The following RIMS2 variants were observed in gnomAD, a reference collection of about 807,000 sequenced individuals.
RIMS2 encodes the protein regulating synaptic membrane exocytosis protein 2.
In RIMS2, 59 loss-of-function variants were observed where a neutral mutation model predicts 174.4. That is an observed-to-expected ratio of 0.34 (90% CI 0.27 to 0.42). The LOEUF (loss-of-function observed/expected upper bound fraction) is 0.42, where lower values mean the gene tolerates loss of function less well. Among genes scored for constraint, RIMS2 ranks in the 10% least tolerant of loss-of-function variants. The pLI is 1.00. For missense variants in RIMS2, 1,620 were observed against 1,666.3 expected, an observed-to-expected ratio of 0.97 and a Z score of 0.48; for synonymous variants, 606 against 572.5, an observed-to-expected ratio of 1.06 and a Z score of -0.84.
chr8:103,905,450 A>G (rs557508175), intron 4 of RIMS2, among the ~76,000 whole-genome samples: 3 of 152,184 alleles, frequency 2.0e-5, no homozygotes, highest in Non-Finnish European at 2.9e-5. Context: ...GGGGTTGGCT[A>G]TCATTTGAAT....
intron 1 of RIMS2, among the ~76,000 whole-genome samples, chr8:103,677,764 G>C (rs1461263756): frequency 6.6e-6 from 1 of 152,160 alleles, no homozygotes; most frequent in African/African-American, 2.4e-5. Flanking sequence ...AACCAGAACA[G>C]AGTCAGAGAG....
At chr8:103,878,752 T>C (rs950562033) in intron 3 of RIMS2, among the ~76,000 whole-genome samples, 4 of 151,566 alleles carry the variant, frequency 2.6e-5, no homozygotes, top group African/African-American at 9.7e-5. Context: ...TCACTACTCA[T>C]TATTGATCCC....
chr8:103,620,056 AC>A, intron 1 of RIMS2, among the ~76,000 whole-genome samples: 1 of 152,212 alleles, frequency 6.6e-6, no homozygotes, highest in South Asian at 2.1e-4. Flanking sequence ...AGCTGTCACC[AC>A]CCTTGCCTAT....
intron 19 of RIMS2, among the ~76,000 whole-genome samples, chr8:104,239,081 T>A (rs947475935): frequency 2.1e-4 from 32 of 152,180 alleles, no homozygotes; most frequent in African/African-American, 7.2e-4. Context: ...ATCCAAGATT[T>A]GAAAGGAGGT....
At chr8:104,082,039 A>C (rs1191212225) in intron 19 of RIMS2, among the ~76,000 whole-genome samples, 1 of 151,968 alleles carries the variant, frequency 6.6e-6, no homozygotes, top group African/African-American at 2.4e-5. Context: ...GCAAGTCAGA[A>C]CTTCATACCT....
chr8:104,014,326 A>G (rs2095844947), intron 18 of RIMS2, among the ~76,000 whole-genome samples, 180 bp from the exon 21 acceptor site: 1 of 152,198 alleles, frequency 6.6e-6, no homozygotes, highest in Non-Finnish European at 1.5e-5. Context: ...ACCAAAAATA[A>G]ACATCTTTTG....
At chr8:103,917,513 A>G (rs2076835406) in intron 8 of RIMS2, among the ~76,000 whole-genome samples, 1 of 152,168 alleles carries the variant, frequency 6.6e-6, no homozygotes, top group African/African-American at 2.4e-5. Context: ...TCTTGGTATT[A>G]AAGGATCTTC....
At chr8:104,025,355 T>G (rs1447498697) in intron 19 of RIMS2, among the ~76,000 whole-genome samples, 2 of 152,044 alleles carry the variant, frequency 1.3e-5, no homozygotes, top group Non-Finnish European at 2.9e-5. Flanking sequence ...AGGCATAGTG[T>G]TGCACACCTC....
chr8:104,017,418 ATATT>A (rs2095947246), intron 19 of RIMS2, among the ~76,000 whole-genome samples: 1 of 152,164 alleles, frequency 6.6e-6, no homozygotes, highest in East Asian at 1.9e-4. Context: ...AGTCTGTTAT[ATATT>A]TAGCCATTTA....
chr8:104,162,890 G>A (rs1288737631), intron 19 of RIMS2, among the ~76,000 whole-genome samples: 2 of 152,070 alleles, frequency 1.3e-5, no homozygotes, highest in African/African-American at 2.4e-5. Context: ...CAATTTTAAG[G>A]CCATTTTAAA....
intron 19 of RIMS2, among the ~76,000 whole-genome samples, chr8:104,180,807 A>G (rs1002004015): frequency 6.6e-6 from 1 of 151,770 alleles, no homozygotes; most frequent in African/African-American, 2.4e-5. Context: ...TTTTAAATGT[A>G]TTAATAAAGT....
intron 1 of RIMS2, among the ~76,000 whole-genome samples, chr8:103,508,446 C>A (rs2130991729): frequency 9.5e-6 from 1 of 105,536 alleles, no homozygotes; most frequent in Non-Finnish European, 2.0e-5. Context: ...CCCCCAAAAC[C>A]TTTCATTTGT....
chr8:103,507,474 T>TGAAC (rs1349635572), intron 1 of RIMS2, among the ~76,000 whole-genome samples: 1 of 152,080 alleles, frequency 6.6e-6, no homozygotes, highest in Admixed American at 6.6e-5. Flanking sequence ...ATCGGGTGAA[T>TGAAC]GAACGCACAT....
At chr8:103,501,021 T>C (rs1819403585) in exon 1 of RIMS2, 7 of 1,610,556 alleles carry the variant, frequency 4.3e-6, no homozygotes, top group South Asian at 1.1e-5. Context: ...CCGTCATGGA[T>C]AGGCAGAAGA....
chr8:103,636,669 C>T (rs528419573), intron 1 of RIMS2, among the ~76,000 whole-genome samples: 84 of 152,096 alleles, frequency 5.5e-4, no homozygotes, highest in South Asian at 1.5e-3. Context: ...ATGTTATCGT[C>T]GAAGGTGTTG....
chr8:103,763,273 A>C (rs1284853402), intron 2 of RIMS2, among the ~76,000 whole-genome samples: 1 of 152,116 alleles, frequency 6.6e-6, no homozygotes, highest in South Asian at 2.1e-4. Context: ...CCCCATCTCT[A>C]CAAAAATACA....
chr8:103,933,755 A>G (rs1165526990), intron 12 of RIMS2, among the ~76,000 whole-genome samples: 2 of 152,246 alleles, frequency 1.3e-5, no homozygotes, highest in Non-Finnish European at 2.9e-5. Flanking sequence ...CCTAACTCAA[A>G]AAGTTACATT....
At chr8:103,770,381 G>T (rs2098237636) in intron 3 of RIMS2, among the ~76,000 whole-genome samples, 7 of 152,148 alleles carry the variant, frequency 4.6e-5, no homozygotes, top group Admixed American at 4.6e-4. Flanking sequence ...TTCAAGACCA[G>T]CATGGCCAAC....
Position 103,790,035 on chromosome 8 carries a change from T to C in RIMS2, c.698+23498T>C, listed in dbSNP as rs1163145643. Reference sequence around the variant, plus strand: ...CCTTGGCTTCCCAAAGTGGTGGGATTACAGGTATGAGCCACCCTGCCCAGC... The same window carrying C: ...CCTTGGCTTCCCAAAGTGGTGGGATCACAGGTATGAGCCACCCTGCCCAGC... On this transcript the variant is annotated intron_variant, in intron 3 of 23. Transcript: ENST00000504942. Among the ~76,000 whole-genome samples, 5 of 152,202 alleles carry C rather than the reference T, an allele frequency of 3.3e-5. No homozygotes were observed. In the South Asian group the frequency reaches 8.3e-4, roughly 25 times the overall value.
Sources: allele counts gnomAD v4.1 joint callset (sites outside exome capture counted in the v4.1 genomes callset), GRCh38; gene constraint gnomAD v4.1.1; transcripts MANE v1.5; gene names NCBI Gene and HGNC (gene_info 2026-07-23, HGNC 2026-07-21).